The following FAM107B variants were observed in gnomAD, a reference collection of about 807,000 sequenced individuals.
FAM107B encodes the protein family with sequence similarity 107 member B.
FAM107B carries 21 observed loss-of-function variants against 31.5 expected under a neutral mutation model. The ratio of observed to expected loss-of-function variants is 0.67; its 90% CI spans 0.47 to 0.96. FAM107B has a LOEUF of 0.96. Ranked by LOEUF, FAM107B falls within the 40% of genes least tolerant of loss-of-function variation. The probability of loss-of-function intolerance (pLI) is 0.00; values close to 1 mark genes in which losing one functional copy is unlikely to be tolerated. For synonymous variants in FAM107B, 157 were observed against 141.5 expected, an observed-to-expected ratio of 1.11 and a Z score of -0.78; for missense variants, 452 against 377.1, an observed-to-expected ratio of 1.20 and a Z score of -1.64.
At chr10:14,576,825 C>T (rs1173270846) in intron 2 of FAM107B, among the ~76,000 whole-genome samples, 1 of 152,166 alleles carries the variant, frequency 6.6e-6, no homozygotes, top group South Asian at 2.1e-4. Flanking sequence ...CCAATGAAAA[C>T]CTAGTTAAGA....
intron 1 of FAM107B, among the ~76,000 whole-genome samples, chr10:14,674,477 G>A (rs1320157601): frequency 6.6e-6 from 1 of 152,092 alleles, no homozygotes; most frequent in Non-Finnish European, 1.5e-5. Context: ...CCACCACTTT[G>A]TTTTTCTCTG....
intron 2 of FAM107B, among the ~76,000 whole-genome samples, chr10:14,649,085 C>A (rs1442334464): frequency 6.6e-6 from 1 of 152,206 alleles, no homozygotes; most frequent in African/African-American, 2.4e-5. Flanking sequence ...CTAAAATAAG[C>A]ACACCAGTTC....
chr10:14,749,526 C>G (rs1832787456), intron 1 of FAM107B, among the ~76,000 whole-genome samples: 1 of 152,220 alleles, frequency 6.6e-6, no homozygotes. Context: ...ATAATTTCCC[C>G]TGGCCCTAGC....
At chr10:14,527,480 T>C (rs1846411184) in intron 3 of FAM107B, among the ~76,000 whole-genome samples, 1 of 152,270 alleles carries the variant, frequency 6.6e-6, no homozygotes, top group African/African-American at 2.4e-5. Flanking sequence ...CCATAGAGCT[T>C]TGAGCTAAAT....
chr10:14,644,585 T>A (rs1051212990), intron 2 of FAM107B, among the ~76,000 whole-genome samples: 4 of 152,256 alleles, frequency 2.6e-5, no homozygotes, highest in African/African-American at 9.6e-5. Flanking sequence ...TGGTTTTGCT[T>A]CTCATTTGCC....
At chr10:14,592,679 A>T (rs1324013602) in intron 2 of FAM107B, among the ~76,000 whole-genome samples, 1 of 152,218 alleles carries the variant, frequency 6.6e-6, no homozygotes, top group Admixed American at 6.5e-5. Context: ...TACTTGGATC[A>T]GTTTTGCAAG....
At chr10:14,734,099 A>AT (rs573147803) in intron 1 of FAM107B, among the ~76,000 whole-genome samples, 36 of 152,134 alleles carry the variant, frequency 2.4e-4, no homozygotes, top group Admixed American at 2.0e-3. Flanking sequence ...TTTAAAAAAA[A>AT]ATATATACAA....
chr10:14,680,763 G>A (rs541131345), intron 1 of FAM107B, among the ~76,000 whole-genome samples: 4 of 152,244 alleles, frequency 2.6e-5, no homozygotes, highest in African/African-American at 9.6e-5. Flanking sequence ...TCCTGTTTTA[G>A]CATGGAGCTC....
At chr10:14,604,929 C>T (rs552595602) in intron 2 of FAM107B, among the ~76,000 whole-genome samples, 27 of 152,192 alleles carry the variant, frequency 1.8e-4, no homozygotes, top group African/African-American at 6.3e-4. Context: ...TCTCTGTGCT[C>T]ACCCCCATCT....
rs144128240 is a variant in FAM107B at position 14,523,128 on chromosome 10, T to C, written c.654-1109A>G. Among the ~76,000 whole-genome samples, 3 of 152,354 alleles carry C rather than the reference T, an allele frequency of 2.0e-5. No individual in the cohort carries two copies. In the East Asian group the frequency reaches 5.8e-4, roughly 29 times the overall value. ...TCTTAGCATTTTCTCTAGTGCTATA[T>C]CTGTCTGTTTAACTGTTAGCTTAAG... On this transcript the variant is annotated intron_variant, in intron 3 of 4. Transcript: ENST00000181796.
intron 1 of FAM107B, among the ~76,000 whole-genome samples, chr10:14,674,354 CA>C (rs1424351432): frequency 1.3e-5 from 2 of 152,326 alleles, no homozygotes; most frequent in East Asian, 3.9e-4. Context: ...ATTGATCTGA[CA>C]AGAGATTAAC....
intron 2 of FAM107B, among the ~76,000 whole-genome samples, chr10:14,556,780 G>A (rs913228784): frequency 1.3e-5 from 2 of 152,178 alleles, no homozygotes; most frequent in Non-Finnish European, 1.5e-5. Context: ...AGCAGGAAAC[G>A]TGCACTAAGA....
At chr10:14,521,453 T>C (rs2130746180) in intron 4 of FAM107B, 147 bp from the exon 5 acceptor site, 2 of 690,100 alleles carry the variant, frequency 2.9e-6, no homozygotes, top group East Asian at 2.7e-5. Context: ...AATGGATGGA[T>C]AGAGTCTGGG....
chr10:14,529,895 G>A (rs763434105), intron 3 of FAM107B: 2 of 160,178 alleles, frequency 1.2e-5, no homozygotes, highest in African/African-American at 4.8e-5. Context: ...GTCTAATATG[G>A]TTCTAGAGAC....
At chr10:14,711,205 C>A (rs1564633266) in intron 1 of FAM107B, among the ~76,000 whole-genome samples, 1 of 152,136 alleles carries the variant, frequency 6.6e-6, no homozygotes, top group Non-Finnish European at 1.5e-5. Flanking sequence ...GCCACTGTGC[C>A]CGGCCATAAA....
At chr10:14,567,350 C>T (rs1053749928) in intron 2 of FAM107B, among the ~76,000 whole-genome samples, 2 of 152,086 alleles carry the variant, frequency 1.3e-5, no homozygotes, top group East Asian at 1.9e-4. Context: ...ACGACTGTCC[C>T]GTGAGCTGTG....
At chr10:14,573,030 C>T (rs1851335662) in intron 2 of FAM107B, among the ~76,000 whole-genome samples, 1 of 152,014 alleles carries the variant, frequency 6.6e-6, no homozygotes, top group African/African-American at 2.4e-5. Flanking sequence ...CATATAGACG[C>T]CCACTTGGTG....
chr10:14,655,145 C>T lies in FAM107B; in HGVS notation c.469+12489G>A, dbSNP rs868599900. On this transcript the variant is annotated intron_variant, in intron 2 of 4. Coordinates refer to ENST00000181796, the MANE Select transcript of FAM107B (RefSeq NM_031453.4). ...ACGAGGTGCCAGATTCTTTAACCGT[C>T]AGATCTCATGGGAAATAAGGGTGAG... Among the ~76,000 whole-genome samples the T allele has an allele frequency of 1.2e-4, 19 of 152,260 alleles. No individual in the cohort carries two copies. The South Asian group carries it at 2.1e-3, about 17-fold the overall frequency.
intron 2 of FAM107B, among the ~76,000 whole-genome samples, chr10:14,575,358 C>T (rs1043917604): frequency 1.3e-5 from 2 of 152,070 alleles, no homozygotes; most frequent in African/African-American, 4.8e-5. Flanking sequence ...AGCGTGCCAC[C>T]ACACCAGCTA....
Sources: allele counts gnomAD v4.1 joint callset (sites outside exome capture counted in the v4.1 genomes callset), GRCh38; gene constraint gnomAD v4.1.1; transcripts MANE v1.5; gene names NCBI Gene and HGNC (gene_info 2026-07-23, HGNC 2026-07-21).